VDAC1: variants seen among roughly 807,000 people sequenced by gnomAD.
VDAC1 encodes the protein voltage dependent anion channel 1.
In VDAC1, 10 loss-of-function variants were observed where a neutral mutation model predicts 34.7. The ratio of observed to expected loss-of-function variants is 0.29; its 90% CI spans 0.18 to 0.49. The LOEUF is 0.49. Among genes scored for constraint, VDAC1 ranks in the 20% least tolerant of loss-of-function variants. VDAC1 has a pLI of 0.99. For synonymous variants in VDAC1, 130 were observed against 136.0 expected, an observed-to-expected ratio of 0.96 and a Z score of 0.30; for missense variants, 230 against 347.9, an observed-to-expected ratio of 0.66 and a Z score of 2.69.
the VDAC1 span, among the ~76,000 whole-genome samples, chr5:134,089,840 A>C: frequency 2.0e-5 from 3 of 152,086 alleles, no homozygotes; most frequent in Non-Finnish European, 4.4e-5. Flanking sequence ...AAATACAAAA[A>C]AATTAGCCAG....
chr5:134,109,770 C>CAAAAAAAAAAAAA, the VDAC1 span, among the ~76,000 whole-genome samples: 11 of 140,312 alleles, frequency 7.8e-5, no homozygotes, highest in African/African-American at 2.2e-4. Flanking sequence ...GGCTCCATCT[C>CAAAAAAAAAAAAA]AAAAAAAAAA....
At chr5:134,112,751 G>T in the VDAC1 span, among the ~76,000 whole-genome samples, 1 of 152,176 alleles carries the variant, frequency 6.6e-6, no homozygotes, top group Non-Finnish European at 1.5e-5. Flanking sequence ...CTTGATTAAA[G>T]GCTAATACGA....
the VDAC1 span, among the ~76,000 whole-genome samples, chr5:134,053,445 T>C: frequency 6.6e-6 from 1 of 152,160 alleles, no homozygotes; most frequent in Admixed American, 6.5e-5. Context: ...CCCTCCATCA[T>C]TGTCTAGGGC....
chr5:134,058,250 G>A, the VDAC1 span, among the ~76,000 whole-genome samples: 1 of 152,094 alleles, frequency 6.6e-6, no homozygotes, highest in Admixed American at 6.5e-5. Context: ...AAGGCTGAGT[G>A]AGTGGCCAGC....
the VDAC1 span, among the ~76,000 whole-genome samples, chr5:134,042,166 C>G: frequency 6.6e-6 from 1 of 152,184 alleles, no homozygotes; most frequent in Admixed American, 6.5e-5. Context: ...TGTCTACTGA[C>G]CAGGCACTGA....
the VDAC1 span, among the ~76,000 whole-genome samples, chr5:134,037,695 A>G: frequency 6.6e-6 from 1 of 152,056 alleles, no homozygotes; most frequent in Non-Finnish European, 1.5e-5. Flanking sequence ...CCTGAAATGT[A>G]CCCCTGCCTT....
At chr5:134,005,356 C>G (rs1336840999), upstream of VDAC1, 2 of 152,240 alleles carry the variant, frequency 1.3e-5, no homozygotes, top group Non-Finnish European at 2.9e-5. Flanking sequence ...GAGGCGGCGA[C>G]TGTTGCTCCC....
At chr5:133,996,012 A>C (rs1251264394) in intron 1 of VDAC1, among the ~76,000 whole-genome samples, 1 of 150,834 alleles carries the variant, frequency 6.6e-6, no homozygotes, top group Non-Finnish European at 1.5e-5. Flanking sequence ...TGCAGCATCC[A>C]CCCCCCAGGG....
intron 6 of VDAC1, 27 bp from the exon 7 acceptor site, chr5:133,976,048 G>A: frequency 1.9e-6 from 3 of 1,613,854 alleles, no homozygotes; most frequent in Non-Finnish European, 2.5e-6. Flanking sequence ...GACAGATGCT[G>A]AGCTTCCCAG....
chr5:134,006,977 C>T (rs1286990620), upstream of VDAC1, among the ~76,000 whole-genome samples: 1 of 151,858 alleles, frequency 6.6e-6, no homozygotes, highest in Non-Finnish European at 1.5e-5. Context: ...CGTGCAGTGG[C>T]TCACTCCTGT....
At chr5:134,085,084 T>TTTTTC in the VDAC1 span, among the ~76,000 whole-genome samples, 25 of 152,010 alleles carry the variant, frequency 1.6e-4, no homozygotes, top group Non-Finnish European at 3.1e-4. Context: ...TTCTTTTTTT[T>TTTTTC]TTGAGACAGA....
At chr5:133,977,727 C>T (rs769767065) in intron 6 of VDAC1, among the ~76,000 whole-genome samples, 1 of 152,192 alleles carries the variant, frequency 6.6e-6, no homozygotes. Flanking sequence ...CAACCTTCTC[C>T]ATGGAGGGAA....
chr5:134,030,635 C>T, the VDAC1 span, among the ~76,000 whole-genome samples: 4 of 147,680 alleles, frequency 2.7e-5, no homozygotes, highest in Admixed American at 6.8e-5. Flanking sequence ...CTCACTCTGT[C>T]GCCCAAGCTG....
the VDAC1 span, among the ~76,000 whole-genome samples, chr5:134,043,220 G>A: frequency 6.6e-6 from 1 of 152,234 alleles, no homozygotes; most frequent in Non-Finnish European, 1.5e-5. Context: ...GACCAGAGAT[G>A]CTCTCCTCTG....
At chr5:134,032,492 A>G in the VDAC1 span, among the ~76,000 whole-genome samples, 3 of 152,350 alleles carry the variant, frequency 2.0e-5, no homozygotes, top group East Asian at 3.9e-4. Context: ...ATTACAAAGC[A>G]TACATGTGCA....
intron 6 of VDAC1, among the ~76,000 whole-genome samples, chr5:133,977,197 A>G (rs934859568): frequency 1.3e-5 from 2 of 152,222 alleles, no homozygotes; most frequent in African/African-American, 4.8e-5. Flanking sequence ...TGCTGGGGAG[A>G]TACAGTTGGC....
chr5:134,052,850 CT>C, the VDAC1 span, among the ~76,000 whole-genome samples: 1 of 152,176 alleles, frequency 6.6e-6, no homozygotes, highest in Non-Finnish European at 1.5e-5. Flanking sequence ...GGTGCGGTGG[CT>C]CATGCCTGTA....
the VDAC1 span, among the ~76,000 whole-genome samples, chr5:134,013,476 T>C: frequency 1.4e-4 from 21 of 152,052 alleles, no homozygotes; most frequent in Non-Finnish European, 2.2e-4. Flanking sequence ...AAGTGGGACC[T>C]AATTAAACTT....
chr5:134,054,431 TATTTTCCTTTCTTTCTTCCTTCCTTCC>T, the VDAC1 span, among the ~76,000 whole-genome samples: 1 of 151,400 alleles, frequency 6.6e-6, no homozygotes, highest in Non-Finnish European at 1.5e-5. Flanking sequence ...TTTTCTCTTT[TATTTTCCTTTCTTTCTTCCTTCCTTCC>T]TTTTTTTTTT....
Sources: allele counts gnomAD v4.1 joint callset (sites outside exome capture counted in the v4.1 genomes callset), GRCh38; gene constraint gnomAD v4.1.1; transcripts MANE v1.5; gene names NCBI Gene and HGNC (gene_info 2026-07-23, HGNC 2026-07-21).